Variants in POLK observed in about 807,000 individuals in gnomAD.
The protein encoded by POLK is DNA polymerase kappa.
In POLK, 76 loss-of-function variants were observed where a neutral mutation model predicts 94.0. That is an observed-to-expected ratio of 0.81 (90% CI 0.67 to 0.98). POLK has a LOEUF of 0.98. Among genes scored for constraint, POLK ranks in the 50% least tolerant of loss-of-function variants. The probability of loss-of-function intolerance (pLI) is 0.00; values close to 1 mark genes in which losing one functional copy is unlikely to be tolerated. For missense variants in POLK, 954 were observed against 1,010.1 expected, an observed-to-expected ratio of 0.94 and a Z score of 0.75; for synonymous variants, 349 against 325.4, an observed-to-expected ratio of 1.07 and a Z score of -0.78.
chr5:75,548,715 A>AGT (rs919771909), intron 2 of POLK, among the ~76,000 whole-genome samples: 4 of 151,218 alleles, frequency 2.6e-5, no homozygotes, highest in Admixed American at 6.6e-5. Flanking sequence ...AGGAGGGGAA[A>AGT]GTGTGTGTGT....
At chr5:75,519,041 G>T (rs1282389870) in intron 1 of POLK, among the ~76,000 whole-genome samples, 2 of 152,066 alleles carry the variant, frequency 1.3e-5, no homozygotes, top group Non-Finnish European at 2.9e-5. Flanking sequence ...GCCCAGGCTG[G>T]CCTCAAACTC....
At chr5:75,607,975 A>T in the POLK span, among the ~76,000 whole-genome samples, 3 of 152,164 alleles carry the variant, frequency 2.0e-5, no homozygotes, top group Admixed American at 6.5e-5. Flanking sequence ...AGATGTTTTT[A>T]AAAATATGGA....
At chr5:75,602,636 G>A (rs1561422676), downstream of POLK, among the ~76,000 whole-genome samples, 1 of 152,134 alleles carries the variant, frequency 6.6e-6, no homozygotes, top group South Asian at 2.1e-4. Flanking sequence ...CTTCAAATTC[G>A]TAACATGTTT....
At chr5:75,545,553 C>A (rs1364202399) in intron 1 of POLK, among the ~76,000 whole-genome samples, 1 of 152,068 alleles carries the variant, frequency 6.6e-6, no homozygotes, top group African/African-American at 2.4e-5. Context: ...TTGTAAATAT[C>A]TTTAAAAGCT....
At chr5:75,521,875 G>T (rs1378693056) in intron 1 of POLK, among the ~76,000 whole-genome samples, 1 of 152,120 alleles carries the variant, frequency 6.6e-6, no homozygotes, top group Non-Finnish European at 1.5e-5. Context: ...TGCCTGTTAG[G>T]AATTGGGGAG....
exon 15 of POLK, chr5:75,598,559 A>G (rs1773205046): frequency 6.6e-6 from 1 of 152,606 alleles, no homozygotes; most frequent in Non-Finnish European, 1.5e-5. Flanking sequence ...TGCCTAAAAT[A>G]TAATTTTTAA....
chr5:75,542,237 A>C (rs1258802622), intron 1 of POLK, among the ~76,000 whole-genome samples: 1 of 152,140 alleles, frequency 6.6e-6, no homozygotes, highest in Non-Finnish European at 1.5e-5. Flanking sequence ...GTATATTAGA[A>C]ATAGGAAACA....
chr5:75,595,606 A>T (rs561965541), intron 12 of POLK, among the ~76,000 whole-genome samples: 1 of 152,296 alleles, frequency 6.6e-6, no homozygotes, highest in African/African-American at 2.4e-5. Flanking sequence ...TAGGCAAAAC[A>T]CAGGAATTTT....
intron 3 of POLK, among the ~76,000 whole-genome samples, chr5:75,563,635 T>C (rs1771110127): frequency 6.6e-6 from 1 of 152,228 alleles, no homozygotes; most frequent in African/African-American, 2.4e-5. Context: ...CTTACTTATT[T>C]CTGCCTTAAT....
intron 3 of POLK, among the ~76,000 whole-genome samples, chr5:75,567,109 T>C (rs1031586218): frequency 6.6e-6 from 1 of 152,170 alleles, no homozygotes; most frequent in Non-Finnish European, 1.5e-5. Context: ...ACACTTGCTT[T>C]AAGCACAAAA....
chr5:75,577,670 A>G (rs982777891), intron 6 of POLK, among the ~76,000 whole-genome samples: 2 of 152,164 alleles, frequency 1.3e-5, no homozygotes, highest in African/African-American at 2.4e-5. Context: ...TGCACCACTC[A>G]TTGCTTCAGA....
intron 1 of POLK, among the ~76,000 whole-genome samples, chr5:75,524,144 CA>C (rs1174672305): frequency 4.0e-5 from 6 of 149,350 alleles, no homozygotes; most frequent in Non-Finnish European, 8.9e-5. Flanking sequence ...AAAAAAACAA[CA>C]AAAAAAAACT....
At position 75,521,695 on chromosome 5, in the gene POLK, G is replaced by C. The variant is rs5744557; in HGVS notation, c.-14+9781G>C. 9.5e-4 allele frequency among the ~76,000 whole-genome samples: 144 copies of C among 151,866 alleles called. 7 individuals carry two copies. In the East Asian group the frequency reaches 0.027, roughly 29 times the overall value. On this transcript the variant is annotated intron_variant, in intron 1 of 14. Transcript: ENST00000241436. ...ATTGAAACATTATTTATTTATTTTA[G>C]TCTTCTCTGACTAGTTTGGTTTTTA...
chr5:75,517,511 ATTTG>A (rs1183619543), intron 1 of POLK, among the ~76,000 whole-genome samples: 8 of 152,312 alleles, frequency 5.3e-5, no homozygotes, highest in African/African-American at 1.9e-4. Flanking sequence ...ACTTTACTGA[ATTTG>A]TTTATCAGTT....
At chr5:75,576,804 G>A (rs759635845) in exon 6 of POLK, 2 of 1,518,758 alleles carry the variant, frequency 1.3e-6, no homozygotes, top group Non-Finnish European at 1.8e-6. Context: ...TGCTGATTAT[G>A]ATCCCAATTT....
chr5:75,575,763 T>C lies in POLK; in HGVS notation c.541-1017T>C, dbSNP rs568163078. On this transcript the variant is annotated intron_variant, in intron 5 of 14. Transcript: ENST00000241436. The stretch of plus-strand genomic sequence containing the variant: ...ACTTGGCCAAGTTTATATCACCATT[T>C]TCTAAAATTCCCTTTGACTCAGCTG... 7.3e-3 allele frequency among the ~76,000 whole-genome samples: 1,114 copies of C among 152,294 alleles called. 3 individuals are homozygous for C. The highest frequency in any genetic ancestry group is 9.7e-3 in the Non-Finnish European group (660 of 68,008).
chr5:75,523,353 A>G (rs1295415962), intron 1 of POLK, among the ~76,000 whole-genome samples: 1 of 152,220 alleles, frequency 6.6e-6, no homozygotes, highest in Non-Finnish European at 1.5e-5. Flanking sequence ...GCACTGTAGA[A>G]ATCAGTTCAT....
chr5:75,596,316 A>G, exon 13 of POLK: 1 of 1,613,306 alleles, frequency 6.2e-7, no homozygotes, highest in Non-Finnish European at 8.5e-7. Flanking sequence ...AAGCCCTGTC[A>G]GCCACTGAGT....
intron 3 of POLK, among the ~76,000 whole-genome samples, chr5:75,565,998 G>A (rs1581035183): frequency 6.6e-6 from 1 of 152,346 alleles, no homozygotes; most frequent in East Asian, 1.9e-4. Flanking sequence ...CTGTCCTAGG[G>A]AGATGGGAGT....
Sources: allele counts gnomAD v4.1 joint callset (sites outside exome capture counted in the v4.1 genomes callset), GRCh38; gene constraint gnomAD v4.1.1; transcripts MANE v1.5; gene names NCBI Gene and HGNC (gene_info 2026-07-23, HGNC 2026-07-21).